Variants in PTPRD observed in about 807,000 individuals in gnomAD.
The protein encoded by PTPRD is protein tyrosine phosphatase receptor type D.
In PTPRD, 34 loss-of-function variants were observed where a neutral mutation model predicts 214.5. The observed-to-expected ratio is 0.16, with a 90% confidence interval of 0.12 to 0.21. PTPRD has a LOEUF of 0.21. Ranked by LOEUF, PTPRD falls within the 10% of genes least tolerant of loss-of-function variation. The probability of loss-of-function intolerance (pLI) is 1.00; values close to 1 mark genes in which losing one functional copy is unlikely to be tolerated. For synonymous variants in PTPRD, 1,128 were observed against 845.7 expected (o/e 1.33, Z -5.79); for missense variants, 2,545 against 2,398.7 (o/e 1.06, Z -1.27).
chr9:8,712,801 C>T (rs909893288), intron 12 of PTPRD, among the ~76,000 whole-genome samples: 13 of 152,264 alleles, frequency 8.5e-5, no homozygotes, highest in African/African-American at 3.1e-4. Flanking sequence ...TCACTGCAAC[C>T]TCCGCCTCCT....
intron 4 of PTPRD, among the ~76,000 whole-genome samples, chr9:9,945,749 T>C (rs2153979715): frequency 6.6e-6 from 1 of 152,164 alleles, no homozygotes; most frequent in Admixed American, 6.5e-5. Flanking sequence ...CTTCTGAAAG[T>C]CAACCAGATT....
intron 5 of PTPRD, among the ~76,000 whole-genome samples, chr9:9,819,863 T>C (rs1347281433): frequency 6.6e-6 from 1 of 152,200 alleles, no homozygotes; most frequent in Non-Finnish European, 1.5e-5. Flanking sequence ...TCATGGTATA[T>C]ATGTACCACA....
intron 20 of PTPRD, among the ~76,000 whole-genome samples, chr9:8,519,707 A>G (rs953626987): frequency 6.6e-6 from 1 of 152,164 alleles, no homozygotes; most frequent in East Asian, 1.9e-4. Flanking sequence ...CATTCACCTC[A>G]TTCTCTTCAA....
chr9:9,086,360 G>A (rs1284973862), intron 10 of PTPRD, among the ~76,000 whole-genome samples: 5 of 152,108 alleles, frequency 3.3e-5, no homozygotes, highest in Non-Finnish European at 4.4e-5. Context: ...AGCCTATTGT[G>A]TCATGCCACA....
At chr9:9,429,838 AC>A (rs1308820350) in intron 8 of PTPRD, among the ~76,000 whole-genome samples, 1 of 151,442 alleles carries the variant, frequency 6.6e-6, no homozygotes, top group African/African-American at 2.4e-5. Flanking sequence ...AAGGCCTTTG[AC>A]AAAATTCAAC....
intron 5 of PTPRD, among the ~76,000 whole-genome samples, chr9:9,862,506 T>C (rs1416416825): frequency 6.6e-6 from 1 of 152,206 alleles, no homozygotes; most frequent in African/African-American, 2.4e-5. Flanking sequence ...TCAAAGCTTT[T>C]TCCCATATTT....
chr9:8,914,585 T>G (rs1015104908), intron 11 of PTPRD, among the ~76,000 whole-genome samples: 5 of 152,090 alleles, frequency 3.3e-5, no homozygotes, highest in African/African-American at 1.2e-4. Context: ...GTTATAGAAT[T>G]ATAACAGTTT....
rs1475032126 is a variant in PTPRD, at chr9:10,404,577, G to A, written c.-599-63560C>T. 3.1e-4 allele frequency among the ~76,000 whole-genome samples: 2 copies of A among 6,476 alleles called. 1 individual carries two copies. Among genetic ancestry groups the A allele is most frequent in the Non-Finnish European group, 1.4e-3 (2 of 1,446 alleles). The allele number at this position is 6,476 out of a possible 152,430, so 4.2% of individuals were successfully genotyped here. ...TAAACTTAAGCCATGTTGGTGACACGTCCAAAATCAACCAGTGACCATTAA... is the reference window on the plus strand; with the variant it reads ...TAAACTTAAGCCATGTTGGTGACACATCCAAAATCAACCAGTGACCATTAA... On this transcript the variant is annotated intron_variant, in intron 2 of 45. Coordinates refer to ENST00000381196, the MANE Select transcript of PTPRD (RefSeq NM_002839.4).
At chr9:9,938,050 C>T (rs556679961) in intron 5 of PTPRD, among the ~76,000 whole-genome samples, 1 of 152,176 alleles carries the variant, frequency 6.6e-6, no homozygotes, top group African/African-American at 2.4e-5. Context: ...GCCCTTATTG[C>T]CTAACTCTGG....
intron 6 of PTPRD, among the ~76,000 whole-genome samples, chr9:9,751,643 A>G (rs2098520731): frequency 6.6e-6 from 1 of 152,112 alleles, no homozygotes; most frequent in Non-Finnish European, 1.5e-5. Context: ...AACGTGAAGA[A>G]GAGACACACG....
chr9:8,935,286 A>C (rs1467177725), intron 11 of PTPRD, among the ~76,000 whole-genome samples: 1 of 152,232 alleles, frequency 6.6e-6, no homozygotes, highest in African/African-American at 2.4e-5. Flanking sequence ...ATTAAAAATC[A>C]ATTGCATTTC....
chr9:9,298,952 A>G (rs757366210), intron 9 of PTPRD, among the ~76,000 whole-genome samples: 1 of 151,834 alleles, frequency 6.6e-6, no homozygotes, highest in African/African-American at 2.4e-5. Context: ...TTTTCTTAAT[A>G]TAAAAGACTT....
intron 7 of PTPRD, among the ~76,000 whole-genome samples, chr9:9,690,029 AT>A (rs1274148611): frequency 6.6e-6 from 1 of 151,840 alleles, no homozygotes; most frequent in Non-Finnish European, 1.5e-5. Context: ...ACTGGGTTAT[AT>A]AGCAGTTCTA....
At chr9:9,394,748 T>C (rs932000399) in intron 9 of PTPRD, among the ~76,000 whole-genome samples, 8 of 152,048 alleles carry the variant, frequency 5.3e-5, no homozygotes, top group South Asian at 2.1e-4. Flanking sequence ...ATGTAGCATA[T>C]TGAAAGAAAG....
intron 7 of PTPRD, among the ~76,000 whole-genome samples, chr9:9,664,549 A>T (rs571090459): frequency 6.6e-6 from 1 of 151,766 alleles, no homozygotes; most frequent in South Asian, 2.1e-4. Context: ...ACTAAATGGA[A>T]ACCTCTAAGG....
chr9:9,567,124 A>G (rs1415771320), intron 8 of PTPRD, among the ~76,000 whole-genome samples: 1 of 152,052 alleles, frequency 6.6e-6, no homozygotes, highest in African/African-American at 2.4e-5. Flanking sequence ...GATTCATGAA[A>G]TACTGCATAA....
At chr9:10,047,312 C>CGTGTGTG (rs1316571345) in intron 3 of PTPRD, among the ~76,000 whole-genome samples, 1,506 of 138,798 alleles carry the variant, frequency 0.011, 28 homozygotes, top group African/African-American at 0.035. Context: ...AATCAACTAA[C>CGTGTGTG]TGTGTGTGTG....
chr9:10,581,864 A>G (rs948077419), intron 2 of PTPRD, among the ~76,000 whole-genome samples: 3 of 152,200 alleles, frequency 2.0e-5, no homozygotes, highest in African/African-American at 7.2e-5. Flanking sequence ...TTATATTAAT[A>G]ATATTTATCA....
At chr9:10,390,504 C>T (rs1362319856) in intron 2 of PTPRD, among the ~76,000 whole-genome samples, 1 of 151,798 alleles carries the variant, frequency 6.6e-6, no homozygotes, top group Non-Finnish European at 1.5e-5. Context: ...TTTGCAGTAA[C>T]AGTAGTCCTC....
Sources: gnomAD v4.1 joint callset for allele counts (sites outside exome capture counted in the v4.1 genomes callset) on GRCh38, gnomAD v4.1.1 for gene constraint, MANE v1.5 for transcripts, NCBI Gene and HGNC (gene_info 2026-07-23, HGNC 2026-07-21) for gene names.